The following CALN1 variants were observed in gnomAD, a reference collection of about 807,000 sequenced individuals.
The protein encoded by CALN1 is calcium-binding protein 8.
In CALN1, 17 loss-of-function variants were observed where a neutral mutation model predicts 30.6. The observed-to-expected ratio is 0.56, with a 90% CI of 0.38 to 0.83. The LOEUF (loss-of-function observed/expected upper bound fraction) is 0.83, where lower values mean the gene tolerates loss of function less well. Ranked by LOEUF, CALN1 falls within the 40% of genes least tolerant of loss-of-function variation. The pLI, the probability that CALN1 is intolerant of heterozygous loss-of-function variation, is 0.00. For missense variants in CALN1, 291 were observed against 354.9 expected (o/e 0.82, Z 1.45); for synonymous variants, 156 against 131.4 (o/e 1.19, Z -1.28).
chr7:72,205,133 G>C (rs544709840), intron 3 of CALN1, among the ~76,000 whole-genome samples: 1 of 151,804 alleles, frequency 6.6e-6, no homozygotes, highest in South Asian at 2.1e-4. Context: ...TGATCAATTT[G>C]ATTTTTTTTT....
intron 3 of CALN1, among the ~76,000 whole-genome samples, chr7:72,241,355 TAA>T (rs1028155634): frequency 2.0e-4 from 31 of 152,280 alleles, no homozygotes; most frequent in African/African-American, 7.5e-4. Context: ...TAATAATTTT[TAA>T]AAGTCAAGAA....
At chr7:72,409,613 G>T (rs1806973924) in intron 1 of CALN1, among the ~76,000 whole-genome samples, 1 of 151,976 alleles carries the variant, frequency 6.6e-6, no homozygotes, top group African/African-American at 2.4e-5. Context: ...CCCTTTCAAA[G>T]TATCTAAAAT....
chr7:71,963,385 T>A (rs537382095), intron 5 of CALN1, among the ~76,000 whole-genome samples: 2 of 152,170 alleles, frequency 1.3e-5, no homozygotes, highest in East Asian at 1.9e-4. Context: ...ATGGTCTTGA[T>A]CTCCTTACCT....
At chr7:72,160,128 C>T (rs1328010041) in intron 3 of CALN1, among the ~76,000 whole-genome samples, 3 of 152,048 alleles carry the variant, frequency 2.0e-5, no homozygotes, top group African/African-American at 4.8e-5. Flanking sequence ...CGTAGTAACA[C>T]AGAGAATAAC....
intron 2 of CALN1, among the ~76,000 whole-genome samples, chr7:72,396,119 C>T (rs952642986): frequency 6.6e-6 from 1 of 150,380 alleles, no homozygotes; most frequent in Admixed American, 6.7e-5. Flanking sequence ...GAAGTCAGGC[C>T]GGGCACAGTG....
chr7:72,100,370 TG>T (rs1451361625), intron 4 of CALN1, among the ~76,000 whole-genome samples: 1 of 151,972 alleles, frequency 6.6e-6, no homozygotes, highest in African/African-American at 2.4e-5. Flanking sequence ...TTTGCAGAGA[TG>T]GGTTCTCACT....
intron 2 of CALN1, among the ~76,000 whole-genome samples, chr7:72,346,005 A>G (rs1483679892): frequency 1.3e-5 from 2 of 152,242 alleles, no homozygotes; most frequent in African/African-American, 4.8e-5. Context: ...GGAAATTCAG[A>G]TACTGGATTT....
At chr7:72,396,575 T>C (rs1323460315) in intron 2 of CALN1, among the ~76,000 whole-genome samples, 4 of 152,156 alleles carry the variant, frequency 2.6e-5, no homozygotes, top group Non-Finnish European at 5.9e-5. Flanking sequence ...AAGAGATATC[T>C]GAGCACATGT....
chr7:72,393,542 A>G lies in CALN1; in HGVS notation c.119+9709T>C, dbSNP rs1025685793. On this transcript the variant is annotated intron_variant, in intron 2 of 6. Transcript: ENST00000395275. Reference sequence around the variant, plus strand: ...TGTTTTTAACAGTACAATGTCTTAAACTACCTGTCATAAAGCAAGGAGGAC... The same window carrying G: ...TGTTTTTAACAGTACAATGTCTTAAGCTACCTGTCATAAAGCAAGGAGGAC... Among the ~76,000 whole-genome samples, 10 of 152,306 alleles carry G rather than the reference A, an allele frequency of 6.6e-5. No homozygotes were observed. In the South Asian group the frequency reaches 1.9e-3, roughly 28 times the overall value.
chr7:72,047,221 T>A (rs1175683042), intron 4 of CALN1, among the ~76,000 whole-genome samples: 1 of 152,166 alleles, frequency 6.6e-6, no homozygotes, highest in Non-Finnish European at 1.5e-5. Flanking sequence ...ACCTGCTTTG[T>A]GTTAGATATG....
chr7:72,393,026 G>A (rs887826363), intron 2 of CALN1, among the ~76,000 whole-genome samples: 2 of 151,824 alleles, frequency 1.3e-5, no homozygotes, highest in Non-Finnish European at 2.9e-5. Context: ...CAAACACCAG[G>A]AGTGTGTTAG....
At chr7:72,178,382 G>GT (rs1789519076) in intron 3 of CALN1, among the ~76,000 whole-genome samples, 1 of 152,176 alleles carries the variant, frequency 6.6e-6, no homozygotes. Flanking sequence ...CATAATCACT[G>GT]TAACTGCTAA....
Position 72,035,170 on chromosome 7 carries a change from T to C in CALN1, c.389-11401A>G, listed in dbSNP as rs1004480794. Among the ~76,000 whole-genome samples the C allele has an allele frequency of 5.9e-5, 9 of 152,178 alleles. 1 individual carries two copies. The highest frequency in any genetic ancestry group is 5.9e-4 in the Admixed American group (9 of 15,274). ...CATTTTTAGGTGTGCAGGTCTAGTA[T>C]TAAATGCATTCATAATGTTGTGTAA... is the stretch of plus-strand genomic sequence containing the variant. On this transcript the variant is annotated intron_variant, in intron 4 of 6. Coordinates refer to ENST00000395275, the MANE Select transcript of CALN1 (RefSeq NM_031468.4).
At chr7:71,987,894 T>C (rs1798757746) in intron 5 of CALN1, among the ~76,000 whole-genome samples, 1 of 152,074 alleles carries the variant, frequency 6.6e-6, no homozygotes, top group Admixed American at 6.6e-5. Context: ...GACTGCACAG[T>C]GCAGGACAGA....
intron 4 of CALN1, among the ~76,000 whole-genome samples, chr7:72,043,930 G>A (rs1429801915): frequency 6.6e-6 from 1 of 152,172 alleles, no homozygotes; most frequent in Non-Finnish European, 1.5e-5. Context: ...ATGGATGTTG[G>A]CAGGCAAAGG....
At chr7:72,097,192 G>A (rs1349178605) in intron 4 of CALN1, among the ~76,000 whole-genome samples, 1 of 152,096 alleles carries the variant, frequency 6.6e-6, no homozygotes, top group East Asian at 1.9e-4. Flanking sequence ...ATAGCATTAG[G>A]AGATATACCT....
At chr7:72,305,009 C>T (rs4518555) in intron 2 of CALN1, among the ~76,000 whole-genome samples, 150,725 of 152,324 alleles carry the variant, frequency 0.99, 74,589 homozygotes, top group Middle Eastern at 1. Context: ...ACCAAGGCTG[C>T]CTGATGGCCA....
chr7:71,820,544 T>C (rs994671509), intron 5 of CALN1, among the ~76,000 whole-genome samples: 5 of 152,308 alleles, frequency 3.3e-5, no homozygotes, highest in East Asian at 3.9e-4. Context: ...ACATTCACAA[T>C]AGACATAAAG....
At chr7:71,931,523 TC>T (rs1458136251) in intron 5 of CALN1, among the ~76,000 whole-genome samples, 1 of 152,124 alleles carries the variant, frequency 6.6e-6, no homozygotes, top group African/African-American at 2.4e-5. Flanking sequence ...TACTTTGGCC[TC>T]CCAAAGTGCT....
Sources: gnomAD v4.1 joint callset for allele counts (sites outside exome capture counted in the v4.1 genomes callset) on GRCh38, gnomAD v4.1.1 for gene constraint, MANE v1.5 for transcripts, NCBI Gene and HGNC (gene_info 2026-07-23, HGNC 2026-07-21) for gene names.